Variants in THADA observed in about 807,000 individuals in gnomAD.
THADA encodes the protein tRNA (32-2'-O)-methyltransferase regulator THADA.
THADA carries 213 observed loss-of-function variants against 219.8 expected under a neutral mutation model. The ratio of observed to expected loss-of-function variants is 0.97; its 90% CI spans 0.87 to 1.09. THADA has a LOEUF of 1.09. THADA is among the 50% of genes least tolerant of loss of function. The probability of loss-of-function intolerance (pLI) is 0.00; values close to 1 mark genes in which losing one functional copy is unlikely to be tolerated. For synonymous variants in THADA, 1,018 were observed against 828.9 expected (o/e 1.23, Z -3.92); for missense variants, 2,956 against 2,311.3 (o/e 1.28, Z -5.72).
chr2:43,499,914 A>T (rs1688725777), intron 24 of THADA, among the ~76,000 whole-genome samples: 1 of 152,160 alleles, frequency 6.6e-6, no homozygotes, highest in South Asian at 2.1e-4. Flanking sequence ...TGAAACACAG[A>T]AAGAAAATAA....
At position 43,572,868 on chromosome 2, in the gene THADA, C is replaced by G; in HGVS notation, c.1854G>C (p.Glu618Asp). The change falls in exon 12 of 38, where the codon GAG becomes GAC. Residue 618 changes from glutamate to aspartate, a missense_variant. Glu to Asp is a conservative substitution (Grantham distance 45, BLOSUM62 2). Coordinates refer to ENST00000405975, the MANE Select transcript of THADA (RefSeq NM_022065.5). ...TTATTCTTGCATCAGACACGAGGTT[C>G]TCCCAGGTATCAGTTGCAGACTGAA... Reference protein sequence around the residue: ...GHLQSATDTWENLVSDARIKQ... With the variant: ...GHLQSATDTWDNLVSDARIKQ... The G allele has an allele frequency of 6.2e-7, 1 of 1,613,906 alleles. No individual in the cohort carries two copies. Among genetic ancestry groups the G allele is most frequent in the African/African-American group, 1.3e-5 (1 of 75,038 alleles).
At chr2:43,532,083 C>G (rs1180286538) in intron 21 of THADA, among the ~76,000 whole-genome samples, 1 of 151,084 alleles carries the variant, frequency 6.6e-6, no homozygotes, top group Non-Finnish European at 1.5e-5. Context: ...CCCTATCCAG[C>G]ACACTAAAAT....
chr2:43,588,958 T>A (rs539213628), intron 4 of THADA, among the ~76,000 whole-genome samples: 2 of 152,308 alleles, frequency 1.3e-5, no homozygotes, highest in East Asian at 3.9e-4. Context: ...ATGTCATATA[T>A]ATGGTACATT....
chr2:43,551,772 C>T lies in THADA; in HGVS notation c.2947+17G>A. 2 of 1,607,392 alleles carry T rather than the reference C, an allele frequency of 1.2e-6. No homozygotes were observed. Among genetic ancestry groups the T allele is most frequent in the Non-Finnish European group, 1.7e-6 (2 of 1,177,540 alleles). The stretch of plus-strand genomic sequence containing the variant: ...ATCAAACCACAGCACTCTAGCCGGC[C>T]TTCTTCATTTGCTAACCTGAATCAG... On this transcript the variant is annotated intron_variant, in intron 19 of 37. Coordinates refer to ENST00000405975, the MANE Select transcript of THADA (RefSeq NM_022065.5).
intron 29 of THADA, among the ~76,000 whole-genome samples, chr2:43,354,312 T>C (rs1407868777): frequency 6.6e-6 from 1 of 152,054 alleles, no homozygotes; most frequent in Non-Finnish European, 1.5e-5. Flanking sequence ...GTACATAAGA[T>C]ATTTTGATAT....
At chr2:43,343,457 G>C (rs1191090743) in intron 30 of THADA, 1 of 152,194 alleles carries the variant, frequency 6.6e-6, no homozygotes, top group African/African-American at 2.4e-5. Flanking sequence ...GGCCTTTGCA[G>C]TTAACACTAT....
rs369627486 is a variant in THADA, at chr2:43,428,182, C to T, written c.3976G>A (p.Val1326Met). The T allele has an allele frequency of 6.2e-7, 1 of 1,608,664 alleles. No homozygotes were observed. Among genetic ancestry groups the T allele is most frequent in the Non-Finnish European group, 8.5e-7 (1 of 1,176,952 alleles). ...RHPSMFLLLL[V>M]LERLYASPMD... ...GGGGAAGCGTAGAGTCTCTCCAACA[C>T]CAAAAGTAAGAGAAACATGCTTGGA... Residue 1326 changes from valine (V) to methionine (M), a missense_variant, in exon 28 of 38, where the codon GTG (valine) becomes ATG (methionine). Coordinates refer to ENST00000405975, the MANE Select transcript of THADA (RefSeq NM_022065.5).
chr2:43,268,407 G>A (rs1671769422), intron 36 of THADA, among the ~76,000 whole-genome samples: 1 of 152,146 alleles, frequency 6.6e-6, no homozygotes, highest in Non-Finnish European at 1.5e-5. Context: ...CCCCACGTGT[G>A]CAGAGAAAAA....
At chr2:43,511,524 C>A (rs780828307) in intron 22 of THADA, among the ~76,000 whole-genome samples, 2 of 152,132 alleles carry the variant, frequency 1.3e-5, no homozygotes, top group Non-Finnish European at 2.9e-5. Context: ...ACTCTCCTAG[C>A]TTGAAAGGTT....
At chr2:43,585,577 T>TAGATAGATAGATAGAAAGAA (rs1553505551) in intron 7 of THADA, among the ~76,000 whole-genome samples, 1 of 135,212 alleles carries the variant, frequency 7.4e-6, no homozygotes, top group African/African-American at 3.1e-5. Flanking sequence ...GATAGATAGA[T>TAGATAGATAGATAGAAAGAA]AGAAAGAAAT....
chr2:43,370,442 C>T (rs997625359), intron 29 of THADA, among the ~76,000 whole-genome samples: 4 of 152,138 alleles, frequency 2.6e-5, no homozygotes, highest in African/African-American at 9.7e-5. Context: ...ACAGCAACAC[C>T]GTTCTCACAA....
chr2:43,443,479 G>C (rs1039211141), intron 26 of THADA, among the ~76,000 whole-genome samples: 2 of 152,130 alleles, frequency 1.3e-5, no homozygotes, highest in African/African-American at 4.8e-5. Context: ...AAGCAAACAG[G>C]CTAATAAGTT....
chr2:43,425,442 TTGTATGTGTGTGTG>T (rs1402219989), intron 28 of THADA, among the ~76,000 whole-genome samples: 2 of 112,774 alleles, frequency 1.8e-5, no homozygotes, highest in Non-Finnish European at 3.6e-5. Flanking sequence ...CTTGTTAAAA[TTGTATGTGTGTGTG>T]TGTGTGTGTG....
chr2:43,322,131 A>G (rs1678787287), intron 30 of THADA, among the ~76,000 whole-genome samples: 1 of 151,756 alleles, frequency 6.6e-6, no homozygotes, highest in Non-Finnish European at 1.5e-5. Flanking sequence ...CACCTCCTGA[A>G]TTCGTGATTA....
intron 36 of THADA, among the ~76,000 whole-genome samples, chr2:43,254,486 A>G (rs1339923065): frequency 6.6e-6 from 1 of 151,990 alleles, no homozygotes. Context: ...AAAGAATCCT[A>G]TTTGATCCAA....
intron 20 of THADA, among the ~76,000 whole-genome samples, chr2:43,547,240 C>T (rs569388036): frequency 1.4e-4 from 22 of 152,242 alleles, no homozygotes; most frequent in Non-Finnish European, 7.4e-5. Flanking sequence ...CCGAGAGATC[C>T]GCTGTTAGTC....
chr2:43,260,357 TC>T (rs1670801467), intron 36 of THADA, among the ~76,000 whole-genome samples: 1 of 152,250 alleles, frequency 6.6e-6, no homozygotes, highest in Admixed American at 6.5e-5. Context: ...CCTGTTCACA[TC>T]TTTTTTCTTC....
At chr2:43,548,570 C>T (rs1019062356) in intron 20 of THADA, among the ~76,000 whole-genome samples, 7 of 152,158 alleles carry the variant, frequency 4.6e-5, no homozygotes, top group African/African-American at 1.2e-4. Context: ...GCCTGGGCAA[C>T]GGTGGGCGCC....
intron 8 of THADA, 72 bp downstream of exon 8, chr2:43,581,669 T>C (rs908273695): frequency 2.3e-6 from 3 of 1,332,054 alleles, no homozygotes; most frequent in South Asian, 1.3e-5. Flanking sequence ...ACACTATTAG[T>C]AGGAAAAGCT....
Sources: gnomAD v4.1 joint callset for allele counts (sites outside exome capture counted in the v4.1 genomes callset) on GRCh38, gnomAD v4.1.1 for gene constraint, MANE v1.5 for transcripts, NCBI Gene and HGNC (gene_info 2026-07-23, HGNC 2026-07-21) for gene names.